RGL1: variants seen among roughly 807,000 people sequenced by gnomAD.
The protein encoded by RGL1 is ral guanine nucleotide dissociation stimulator like 1.
Under a neutral mutation model 95.2 loss-of-function variants are expected in RGL1, and 24 were observed. The ratio of observed to expected loss-of-function variants is 0.25; its 90% CI spans 0.18 to 0.35. RGL1 has a LOEUF of 0.35. Ranked by LOEUF, RGL1 falls within the 10% of genes least tolerant of loss-of-function variation. The pLI is 1.00. For synonymous variants in RGL1, 329 were observed against 344.9 expected (o/e 0.95, Z 0.51); for missense variants, 715 against 936.3 (o/e 0.76, Z 3.08).
intron 8 of RGL1, among the ~76,000 whole-genome samples, chr1:183,891,766 A>G (rs1416241146): frequency 1.7e-5 from 2 of 117,694 alleles, no homozygotes. Context: ...TTTTTGTTTA[A>G]CTCACTGAGA....
At chr1:183,856,975 C>T (rs761571255) in intron 3 of RGL1, among the ~76,000 whole-genome samples, 1 of 152,080 alleles carries the variant, frequency 6.6e-6, no homozygotes, top group Non-Finnish European at 1.5e-5. Flanking sequence ...ATGTCCACAT[C>T]CTCATCCCTG....
chr1:183,788,143 G>A (rs1660269821), intron 2 of RGL1, among the ~76,000 whole-genome samples: 1 of 152,156 alleles, frequency 6.6e-6, no homozygotes, highest in South Asian at 2.1e-4. Context: ...GTTCACTACA[G>A]ATACAGAAAT....
intron 17 of RGL1, among the ~76,000 whole-genome samples, chr1:183,925,645 G>A (rs1289227702): frequency 3.3e-5 from 5 of 152,152 alleles, no homozygotes; most frequent in African/African-American, 9.7e-5. Context: ...TAGAATTCTG[G>A]AGTGCTGTAG....
chr1:183,647,993 T>G, intron 1 of RGL1: 1 of 1,614,212 alleles, frequency 6.2e-7, no homozygotes, highest in Non-Finnish European at 8.5e-7. Flanking sequence ...AGGCATTGTT[T>G]AAGGGGTAGC....
chr1:183,711,497 G>A (rs981228837), intron 1 of RGL1, among the ~76,000 whole-genome samples: 1 of 152,164 alleles, frequency 6.6e-6, no homozygotes, highest in Non-Finnish European at 1.5e-5. Flanking sequence ...AAGCACTCTA[G>A]AGAGGAGTGA....
At chr1:183,700,149 AG>A (rs1654499964) in intron 1 of RGL1, among the ~76,000 whole-genome samples, 1 of 152,164 alleles carries the variant, frequency 6.6e-6, no homozygotes, top group South Asian at 2.1e-4. Context: ...ACAAAGTAAT[AG>A]GGAATTGCCC....
chr1:183,827,804 A>G (rs1662976282), intron 2 of RGL1, among the ~76,000 whole-genome samples: 1 of 152,226 alleles, frequency 6.6e-6, no homozygotes, highest in Non-Finnish European at 1.5e-5. Context: ...AAACTTTACA[A>G]TCTATGGTAG....
chr1:183,643,266 A>G (rs75468646), intron 1 of RGL1, among the ~76,000 whole-genome samples: 41,068 of 137,526 alleles, frequency 0.3, 5,857 homozygotes, highest in Middle Eastern at 0.38. Flanking sequence ...CTGTTTTTTT[A>G]TTTATTTATT....
At chr1:183,915,833 A>T (rs1207856062) in intron 15 of RGL1, among the ~76,000 whole-genome samples, 1 of 152,122 alleles carries the variant, frequency 6.6e-6, no homozygotes, top group Non-Finnish European at 1.5e-5. Context: ...GGAATCAGGG[A>T]GCTTGGGTTC....
At chr1:183,716,187 A>T (rs1353340600) in intron 1 of RGL1, among the ~76,000 whole-genome samples, 3 of 152,184 alleles carry the variant, frequency 2.0e-5, no homozygotes, top group African/African-American at 7.2e-5. Flanking sequence ...ATATACTAGA[A>T]CTATTATGTT....
chr1:183,926,435 A>AT lies in RGL1; in HGVS notation c.*145dup. ...ATTGAGTTCCTGTGGTGTGCAAAGC[A>AT]TTATGATAGGCACCGTGGGGAAACT... On this transcript the variant is annotated 3_prime_UTR_variant, in exon 18 of 18. Transcript: ENST00000360851. 1 of 584,018 alleles carries AT rather than the reference A, an allele frequency of 1.7e-6. No homozygotes were observed. The highest frequency in any genetic ancestry group is 2.9e-6 in the Non-Finnish European group (1 of 348,510). The allele number at this position is 584,018 out of a possible 1,614,324, so 36.2% of individuals were successfully genotyped here. A position where few individuals can be genotyped will look rare whatever the true frequency, so the allele number is the denominator to read the frequency against.
At chr1:183,839,824 G>C (rs184435015) in intron 2 of RGL1, among the ~76,000 whole-genome samples, 1 of 152,196 alleles carries the variant, frequency 6.6e-6, no homozygotes, top group South Asian at 2.1e-4. Context: ...GTGGTGGAAA[G>C]GTATGATGCC....
intron 2 of RGL1, among the ~76,000 whole-genome samples, chr1:183,776,624 G>A (rs1309500846): frequency 1.3e-5 from 2 of 152,310 alleles, no homozygotes; most frequent in African/African-American, 4.8e-5. Context: ...ACAGGAGTGA[G>A]GGATGGAGGC....
intron 16 of RGL1, among the ~76,000 whole-genome samples, chr1:183,919,049 C>T (rs1199305437): frequency 6.6e-6 from 1 of 152,116 alleles, no homozygotes; most frequent in Non-Finnish European, 1.5e-5. Flanking sequence ...CCAAAGAGCT[C>T]CAGACTATGT....
chr1:183,879,584 A>G (rs928113058), intron 4 of RGL1, among the ~76,000 whole-genome samples: 1 of 152,208 alleles, frequency 6.6e-6, no homozygotes, highest in Non-Finnish European at 1.5e-5. Flanking sequence ...GGATTAATGT[A>G]TAGTCCCTGT....
chr1:183,673,695 G>A (rs1652631867), intron 1 of RGL1, among the ~76,000 whole-genome samples: 2 of 152,164 alleles, frequency 1.3e-5, no homozygotes, highest in Admixed American at 6.5e-5. Context: ...CAGTTTTTCT[G>A]TGTACTTACA....
At chr1:183,799,681 T>G (rs2500094) in intron 2 of RGL1, among the ~76,000 whole-genome samples, 60,214 of 152,086 alleles carry the variant, frequency 0.4, 12,361 homozygotes, top group South Asian at 0.58. Context: ...TTGTATGCGT[T>G]CCTTATATAT....
intron 2 of RGL1, among the ~76,000 whole-genome samples, chr1:183,742,700 C>T (rs1657385045): frequency 6.7e-6 from 1 of 150,288 alleles, no homozygotes; most frequent in African/African-American, 2.5e-5. Context: ...TATTTGTGTG[C>T]ATATTTGTGG....
rs12407737 is a variant in RGL1 at position 183,740,489 on chromosome 1, C to A, written c.-32-1637C>A. ...TTTTCTTAAATCCGCTGACCCGTCA[C>A]GCCTGCCACTCGTATAGATTTCAAT... On this transcript the variant is annotated intron_variant, in intron 1 of 18. Transcript: ENST00000304685. Among the ~76,000 whole-genome samples the A allele has an allele frequency of 3.5e-4, 53 of 152,320 alleles. 1 individual carries two copies. The highest frequency in any genetic ancestry group is 3.1e-3 in the Admixed American group (47 of 15,304).
Sources: allele counts gnomAD v4.1 joint callset (sites outside exome capture counted in the v4.1 genomes callset), GRCh38; gene constraint gnomAD v4.1.1; transcripts MANE v1.5; gene names NCBI Gene and HGNC (gene_info 2026-07-23, HGNC 2026-07-21).